The following DLGAP2 variants were observed in gnomAD, a reference collection of about 807,000 sequenced individuals.
DLGAP2 encodes the protein disks large-associated protein 2.
In DLGAP2, 26 loss-of-function variants were observed where a neutral mutation model predicts 100.3. The ratio of observed to expected loss-of-function variants is 0.26; its 90% confidence interval spans 0.19 to 0.36. DLGAP2 has a LOEUF of 0.36. DLGAP2 is among the 10% of genes least tolerant of loss of function. DLGAP2 has a pLI of 1.00. For missense variants in DLGAP2, 1,858 were observed against 1,453.2 expected, an observed-to-expected ratio of 1.28 and a Z score of -4.53; for synonymous variants, 886 against 630.1, an observed-to-expected ratio of 1.41 and a Z score of -6.08.
At chr8:1,452,519 T>G (rs1291643471) in intron 3 of DLGAP2, among the ~76,000 whole-genome samples, 1 of 152,184 alleles carries the variant, frequency 6.6e-6, no homozygotes, top group Non-Finnish European at 1.5e-5. Context: ...TCTGAGCTTG[T>G]GGGACACTGG....
intron 1 of DLGAP2, among the ~76,000 whole-genome samples, chr8:889,975 C>T (rs1032367745): frequency 3.3e-5 from 5 of 152,078 alleles, no homozygotes; most frequent in African/African-American, 1.2e-4. Context: ...TGTGCTCACT[C>T]ACCGCCTCCC....
At position 742,947 on chromosome 8, in the gene DLGAP2, G is replaced by T. The variant is rs34190270; in HGVS notation, c.18+5122G>T. Among the ~76,000 whole-genome samples, 1,156 of 152,278 alleles carry T rather than the reference G, an allele frequency of 7.6e-3. 3 individuals are homozygous for T. The highest frequency in any genetic ancestry group is 0.016 in the South Asian group (78 of 4,826). ...AAAGTGATAAGAATGGTGCACGTAG[G>T]AAATGCTGGATTAGTCTTGACTATT... On this transcript the variant is annotated intron_variant, in intron 1 of 14. Coordinates refer to ENST00000637795, the MANE Select transcript of DLGAP2 (RefSeq NM_001346810.2).
chr8:1,484,353 T>G (rs971898589), intron 3 of DLGAP2, among the ~76,000 whole-genome samples: 1 of 152,246 alleles, frequency 6.6e-6, no homozygotes, highest in Non-Finnish European at 1.5e-5. Context: ...AAAACATCCA[T>G]GATTATTTTA....
intron 3 of DLGAP2, among the ~76,000 whole-genome samples, chr8:1,444,233 G>C (rs987995246): frequency 6.6e-6 from 1 of 152,194 alleles, no homozygotes; most frequent in Non-Finnish European, 1.5e-5. Context: ...TTATAGGCAT[G>C]AGTCACTGCA....
intron 3 of DLGAP2, among the ~76,000 whole-genome samples, chr8:1,294,682 G>A (rs2116977051): frequency 6.6e-6 from 1 of 152,218 alleles, no homozygotes; most frequent in South Asian, 2.1e-4. Context: ...TTGAAATAAT[G>A]TTGTATGTGT....
chr8:1,535,690 C>T lies in DLGAP2; in HGVS notation c.173-12936C>T, dbSNP rs536010302. Among the ~76,000 whole-genome samples, 3 of 152,332 alleles carry T rather than the reference C, an allele frequency of 2.0e-5. No homozygotes were observed. The South Asian group carries it at 6.2e-4, about 32-fold the overall frequency. ...TGGTTTTATCACACAGTGTTGTTTT[C>T]GTCCACCTTGGTGCAACGGCCCTGG... On this transcript the variant is annotated intron_variant, in intron 4 of 14. Coordinates refer to ENST00000637795, the MANE Select transcript of DLGAP2 (RefSeq NM_001346810.2).
intron 3 of DLGAP2, among the ~76,000 whole-genome samples, chr8:1,343,139 G>A (rs999025927): frequency 1.3e-5 from 2 of 152,166 alleles, no homozygotes; most frequent in Non-Finnish European, 2.9e-5. Flanking sequence ...AAGTCCCCAA[G>A]ACCACCTGGA....
intron 12 of DLGAP2, among the ~76,000 whole-genome samples, chr8:1,690,191 A>G (rs1371732362): frequency 6.6e-6 from 1 of 151,848 alleles, no homozygotes; most frequent in Non-Finnish European, 1.5e-5. Flanking sequence ...CGCTGTCTCT[A>G]CTAAAAATAC....
intron 2 of DLGAP2, among the ~76,000 whole-genome samples, chr8:1,052,435 C>G (rs150423674): frequency 5.3e-4 from 80 of 152,278 alleles, no homozygotes; most frequent in African/African-American, 1.7e-3. Flanking sequence ...ACAGCATACA[C>G]TAGGAATGGG....
intron 3 of DLGAP2, among the ~76,000 whole-genome samples, chr8:1,348,094 C>T (rs1323747362): frequency 6.6e-6 from 1 of 151,142 alleles, no homozygotes; most frequent in African/African-American, 2.4e-5. Context: ...GGCTGAGTTC[C>T]TATACAGAGC....
chr8:1,194,986 C>T (rs1407690917), intron 2 of DLGAP2, among the ~76,000 whole-genome samples: 1 of 152,230 alleles, frequency 6.6e-6, no homozygotes, highest in Non-Finnish European at 1.5e-5. Flanking sequence ...CCTCCGCTCT[C>T]CCGGCCTTCA....
At chr8:816,190 A>G (rs1796473388) in intron 1 of DLGAP2, among the ~76,000 whole-genome samples, 1 of 151,580 alleles carries the variant, frequency 6.6e-6, no homozygotes, top group Non-Finnish European at 1.5e-5. Flanking sequence ...TAAGTGGAAC[A>G]TTTAGTACAT....
chr8:1,392,291 A>G (rs958830408), intron 3 of DLGAP2, among the ~76,000 whole-genome samples: 1 of 152,102 alleles, frequency 6.6e-6, no homozygotes, highest in Non-Finnish European at 1.5e-5. Context: ...CGCAGTCCAG[A>G]TCCTGGGTTG....
At chr8:1,301,554 C>G (rs912316633) in intron 3 of DLGAP2, 1 of 152,104 alleles carries the variant, frequency 6.6e-6, no homozygotes, top group Non-Finnish European at 1.5e-5. Context: ...CTTTTTCTTG[C>G]TGTCACAATC....
intron 2 of DLGAP2, among the ~76,000 whole-genome samples, chr8:1,092,545 G>A (rs924882698): frequency 3.3e-5 from 5 of 152,234 alleles, no homozygotes; most frequent in Non-Finnish European, 5.9e-5. Context: ...GGAAGAGGGG[G>A]CTGTGGCCGG....
chr8:1,141,912 CT>C (rs1796528509), intron 2 of DLGAP2, among the ~76,000 whole-genome samples: 1 of 151,968 alleles, frequency 6.6e-6, no homozygotes, highest in Admixed American at 6.6e-5. Context: ...CTGAAATGAA[CT>C]CATTATAATT....
intron 3 of DLGAP2, among the ~76,000 whole-genome samples, chr8:1,430,904 T>C (rs1797409859): frequency 6.6e-6 from 1 of 152,220 alleles, no homozygotes; most frequent in Non-Finnish European, 1.5e-5. Flanking sequence ...TGAAAAGATC[T>C]GGTTTCCTAT....
chr8:1,174,618 CATT>C (rs1259671682), intron 2 of DLGAP2, among the ~76,000 whole-genome samples: 4 of 151,806 alleles, frequency 2.6e-5, no homozygotes, highest in Admixed American at 1.3e-4. Flanking sequence ...TCACCAAAAT[CATT>C]ATTACTGCCA....
chr8:1,059,847 A>G (rs534739576), intron 2 of DLGAP2, among the ~76,000 whole-genome samples: 2 of 152,214 alleles, frequency 1.3e-5, no homozygotes, highest in South Asian at 2.1e-4. Flanking sequence ...GACCGACCAT[A>G]TGGGGCAGTG....
Sources: allele counts gnomAD v4.1 joint callset (sites outside exome capture counted in the v4.1 genomes callset), GRCh38; gene constraint gnomAD v4.1.1; transcripts MANE v1.5; gene names NCBI Gene and HGNC (gene_info 2026-07-23, HGNC 2026-07-21).